Variants in LEMD3 observed in about 807,000 individuals in gnomAD.
LEMD3 encodes LEM domain containing 3.
A neutral mutation model predicts 95.2 loss-of-function variants in LEMD3; 33 were observed. The observed-to-expected ratio is 0.35, with a 90% CI of 0.26 to 0.46. LEMD3 has a LOEUF of 0.46. LEMD3 is among the 20% of genes least tolerant of loss of function. The pLI is 1.00. For missense variants in LEMD3, 1,210 were observed against 1,192.8 expected, an observed-to-expected ratio of 1.01 and a Z score of -0.21; for synonymous variants, 525 against 474.6, an observed-to-expected ratio of 1.11 and a Z score of -1.38.
intron 1 of LEMD3, among the ~76,000 whole-genome samples, chr12:65,186,196 G>T (rs963599308): frequency 1.1e-4 from 17 of 152,000 alleles, no homozygotes; most frequent in African/African-American, 3.9e-4. Flanking sequence ...TTTGGAGCTA[G>T]TATTTCTTGC....
chr12:65,201,951 A>G (rs991103839), intron 1 of LEMD3, among the ~76,000 whole-genome samples: 4 of 150,402 alleles, frequency 2.7e-5, no homozygotes, highest in Non-Finnish European at 5.9e-5. Context: ...AAGTTGAGGA[A>G]ATTCCCTTGT....
chr12:65,208,072 A>T (rs1017712758), intron 1 of LEMD3, among the ~76,000 whole-genome samples: 2 of 152,106 alleles, frequency 1.3e-5, no homozygotes, highest in African/African-American at 4.8e-5. Flanking sequence ...GAGGATTCTA[A>T]TGAAACATTT....
At chr12:65,214,652 T>G (rs1259628148) in intron 2 of LEMD3, among the ~76,000 whole-genome samples, 2 of 152,188 alleles carry the variant, frequency 1.3e-5, no homozygotes, top group African/African-American at 2.4e-5. Context: ...ATTAGACATA[T>G]AAATGTTACT....
chr12:65,242,756 A>G (rs970221624), intron 9 of LEMD3, among the ~76,000 whole-genome samples: 6 of 152,248 alleles, frequency 3.9e-5, no homozygotes, highest in South Asian at 2.1e-4. Context: ...TCTTGCATTC[A>G]CTTCTGCTTT....
At chr12:65,198,759 A>G (rs572154116) in intron 1 of LEMD3, among the ~76,000 whole-genome samples, 6 of 152,274 alleles carry the variant, frequency 3.9e-5, no homozygotes, top group Admixed American at 6.5e-5. Context: ...TGTTAATGCT[A>G]TGTAAGTGGT....
intron 1 of LEMD3, among the ~76,000 whole-genome samples, chr12:65,172,662 A>G (rs1868589533): frequency 6.6e-6 from 1 of 152,084 alleles, no homozygotes; most frequent in Non-Finnish European, 1.5e-5. Context: ...ATTAAATGAC[A>G]TTACCTATCA....
intron 2 of LEMD3, 69 bp from the exon 3 acceptor site, chr12:65,215,908 T>G: frequency 1.6e-6 from 1 of 627,420 alleles, no homozygotes; most frequent in South Asian, 2.2e-5. Context: ...TTTTTTTTTT[T>G]GATTAAGAAT....
At chr12:65,178,527 C>T (rs1868800241) in intron 1 of LEMD3, among the ~76,000 whole-genome samples, 1 of 152,068 alleles carries the variant, frequency 6.6e-6, no homozygotes, top group African/African-American at 2.4e-5. Context: ...ACCTCAATAT[C>T]CTCATATGAA....
chr12:65,171,149 A>G (rs1427551464), intron 1 of LEMD3, 31 bp downstream of exon 1: 2 of 1,604,138 alleles, frequency 1.2e-6, no homozygotes, highest in African/African-American at 2.7e-5. Flanking sequence ...GTAAGGTAAC[A>G]AAGAGAATGT....
At chr12:65,231,712 T>C (rs970567511) in intron 4 of LEMD3, among the ~76,000 whole-genome samples, 2 of 152,092 alleles carry the variant, frequency 1.3e-5, no homozygotes, top group South Asian at 2.1e-4. Context: ...ATTTAATTCA[T>C]ATGGAAAATG....
rs184487843 is a variant in LEMD3, at chr12:65,173,176, A to G, written c.1522+2058A>G. Among the ~76,000 whole-genome samples, 666 of 152,306 alleles carry G rather than the reference A, an allele frequency of 4.4e-3. 7 individuals carry two copies. The highest frequency in any genetic ancestry group is 0.015 in the African/African-American group (636 of 41,568). On this transcript the variant is annotated intron_variant, in intron 1 of 12. Transcript: ENST00000308330. ...GGTTATTGTTTGTAGAGAGCTTTCTAAATAAGTGGGTACCTTTATTATGAT... is the reference window on the plus strand; with the variant it reads ...GGTTATTGTTTGTAGAGAGCTTTCTGAATAAGTGGGTACCTTTATTATGAT...
rs540864032 is a variant in LEMD3 at position 65,198,149 on chromosome 12, T to A, written c.1523-12777T>A. Among the ~76,000 whole-genome samples, 9 of 152,244 alleles carry A rather than the reference T, an allele frequency of 5.9e-5. No homozygotes were observed. The East Asian group carries it at 1.7e-3, about 29-fold the overall frequency. The stretch of plus-strand genomic sequence containing the variant: ...CAGAATTGACTTTGTTATAATAAAG[T>A]TTTACTTGTATCTTTTAGTGTAAAT... On this transcript the variant is annotated intron_variant, in intron 1 of 12. Transcript: ENST00000308330.
chr12:65,171,360 AATATT>A, intron 1 of LEMD3: 1 of 555,298 alleles, frequency 1.8e-6, no homozygotes, highest in Admixed American at 3.2e-5. Context: ...TTTTTAAAAG[AATATT>A]ATAAGCTTGT....
At chr12:65,174,428 A>G (rs1868649739) in intron 1 of LEMD3, among the ~76,000 whole-genome samples, 1 of 152,226 alleles carries the variant, frequency 6.6e-6, no homozygotes, top group South Asian at 2.1e-4. Context: ...ATAGAGAAGC[A>G]GAATAGATTG....
chr12:65,232,046 G>A (rs1467754151), intron 4 of LEMD3, among the ~76,000 whole-genome samples: 1 of 151,828 alleles, frequency 6.6e-6, no homozygotes, highest in Non-Finnish European at 1.5e-5. Flanking sequence ...TATTTCTTAG[G>A]AAATAATCCT....
At chr12:65,217,430 G>T (rs750612672) in intron 3 of LEMD3, among the ~76,000 whole-genome samples, 1 of 152,198 alleles carries the variant, frequency 6.6e-6, no homozygotes, top group African/African-American at 2.4e-5. Context: ...TTGTTCATCT[G>T]ATAGGTACTT....
At chr12:65,190,714 C>T (rs1235359803) in intron 1 of LEMD3, among the ~76,000 whole-genome samples, 1 of 152,188 alleles carries the variant, frequency 6.6e-6, no homozygotes, top group African/African-American at 2.4e-5. Context: ...CCTCCTGAGG[C>T]TGTGTCATGG....
At chr12:65,235,986 C>G (rs979888803) in intron 4 of LEMD3, among the ~76,000 whole-genome samples, 1 of 152,028 alleles carries the variant, frequency 6.6e-6, no homozygotes, top group Non-Finnish European at 1.5e-5. Context: ...CTTAAAAATC[C>G]TAATAGTAGT....
At chr12:65,240,546 T>A in intron 8 of LEMD3, 1 of 421,134 alleles carries the variant, frequency 2.4e-6, no homozygotes. Context: ...AGCCAGTGGC[T>A]GGTGTTTTAC....
Sources: allele counts gnomAD v4.1 joint callset (sites outside exome capture counted in the v4.1 genomes callset), GRCh38; gene constraint gnomAD v4.1.1; transcripts MANE v1.5; gene names NCBI Gene and HGNC (gene_info 2026-07-23, HGNC 2026-07-21).